Variants in TRPM3 observed in about 807,000 individuals in gnomAD.
TRPM3 encodes transient receptor potential cation channel subfamily M member 3.
In TRPM3, 77 loss-of-function variants were observed where a neutral mutation model predicts 181.2. The ratio of observed to expected loss-of-function variants is 0.42; its 90% confidence interval spans 0.35 to 0.51. The LOEUF (loss-of-function observed/expected upper bound fraction) is 0.51. Among genes scored for constraint, TRPM3 ranks in the 20% least tolerant of loss-of-function variants. The pLI is 0.01. For missense variants in TRPM3, 1,759 were observed against 2,196.7 expected, an observed-to-expected ratio of 0.80 and a Z score of 3.98; for synonymous variants, 745 against 796.4, an observed-to-expected ratio of 0.94 and a Z score of 1.09.
chr9:71,054,014 C>T (rs988130549), intron 1 of TRPM3, among the ~76,000 whole-genome samples: 14 of 152,074 alleles, frequency 9.2e-5, no homozygotes, highest in South Asian at 2.1e-4. Context: ...AAATTCAGCA[C>T]GACTTTGCAG....
intron 1 of TRPM3, among the ~76,000 whole-genome samples, chr9:70,892,392 T>C (rs1379442918): frequency 6.6e-6 from 1 of 152,120 alleles, no homozygotes; most frequent in Admixed American, 6.5e-5. Flanking sequence ...CTTCTTTGCC[T>C]TTAAATAAAT....
At chr9:71,405,109 C>T (rs1053011885) in intron 1 of TRPM3, among the ~76,000 whole-genome samples, 1 of 152,150 alleles carries the variant, frequency 6.6e-6, no homozygotes, top group Non-Finnish European at 1.5e-5. Flanking sequence ...ATTCCAACAC[C>T]TTGTATATTT....
chr9:71,240,984 G>A (rs2081633777), intron 1 of TRPM3, among the ~76,000 whole-genome samples: 1 of 152,098 alleles, frequency 6.6e-6, no homozygotes, highest in Admixed American at 6.5e-5. Context: ...CAACTCTTAC[G>A]AACATTATGT....
intron 3 of TRPM3, among the ~76,000 whole-genome samples, chr9:70,849,239 G>A (rs2095122402): frequency 1.3e-5 from 2 of 152,030 alleles, no homozygotes; most frequent in Admixed American, 1.3e-4. Flanking sequence ...TTGCCTCCTG[G>A]GTTCAAGCGA....
At chr9:70,644,024 A>C (rs2058455386) in intron 9 of TRPM3, among the ~76,000 whole-genome samples, 1 of 152,232 alleles carries the variant, frequency 6.6e-6, no homozygotes, top group South Asian at 2.1e-4. Context: ...GGAGAAGAGA[A>C]GTCTGTAATT....
At chr9:70,852,962 A>T (rs184244356) in intron 3 of TRPM3, among the ~76,000 whole-genome samples, 106 of 152,080 alleles carry the variant, frequency 7.0e-4, no homozygotes, top group South Asian at 1.0e-3. Flanking sequence ...ATATATATAT[A>T]TTTTTTTCTG....
intron 1 of TRPM3, among the ~76,000 whole-genome samples, chr9:71,357,996 G>A (rs1226395900): frequency 6.6e-6 from 1 of 152,122 alleles, no homozygotes; most frequent in Non-Finnish European, 1.5e-5. Flanking sequence ...AGGGCCTTGG[G>A]GAGTAGGAAA....
intron 1 of TRPM3, among the ~76,000 whole-genome samples, chr9:71,375,903 C>T (rs1442668162): frequency 3.9e-5 from 6 of 152,106 alleles, no homozygotes; most frequent in Admixed American, 3.9e-4. Context: ...ACATAATACA[C>T]TACAGTGTAG....
intron 1 of TRPM3, among the ~76,000 whole-genome samples, chr9:71,379,503 C>G (rs894092136): frequency 6.6e-6 from 1 of 151,908 alleles, no homozygotes; most frequent in Admixed American, 6.6e-5. Flanking sequence ...TTGGTGTTAC[C>G]GTCAGAGCAG....
At chr9:70,838,643 T>A (rs2094460846) in intron 5 of TRPM3, among the ~76,000 whole-genome samples, 1 of 152,110 alleles carries the variant, frequency 6.6e-6, no homozygotes, top group Non-Finnish European at 1.5e-5. Flanking sequence ...AGCCTTGAGC[T>A]AAATTTGATG....
intron 1 of TRPM3, among the ~76,000 whole-genome samples, chr9:70,884,902 G>A (rs1200822783): frequency 1.3e-5 from 2 of 152,118 alleles, no homozygotes; most frequent in South Asian, 4.1e-4. Flanking sequence ...TGAATCTGTA[G>A]GTGAAGGTGA....
chr9:71,271,112 T>G (rs2083755347), intron 1 of TRPM3, among the ~76,000 whole-genome samples: 1 of 152,230 alleles, frequency 6.6e-6, no homozygotes, highest in South Asian at 2.1e-4. Context: ...CTGCTAATTT[T>G]GGGAATAATT....
chr9:71,015,702 C>T (rs562946523), intron 1 of TRPM3, among the ~76,000 whole-genome samples: 2 of 152,190 alleles, frequency 1.3e-5, no homozygotes, highest in South Asian at 4.2e-4. Flanking sequence ...AATTGATAAT[C>T]CAAAACGTTC....
At chr9:70,783,503 G>T (rs150563276) in intron 7 of TRPM3, among the ~76,000 whole-genome samples, 2 of 152,238 alleles carry the variant, frequency 1.3e-5, no homozygotes, top group African/African-American at 4.8e-5. Context: ...GGGGGCTTTG[G>T]GCTGTTGAAA....
chr9:70,568,935 C>T (rs1042947066), intron 22 of TRPM3, among the ~76,000 whole-genome samples: 2 of 152,202 alleles, frequency 1.3e-5, no homozygotes, highest in African/African-American at 2.4e-5. Flanking sequence ...GTTTGGCTAA[C>T]ATGCTTGCTT....
intron 12 of TRPM3, among the ~76,000 whole-genome samples, chr9:70,632,325 C>T (rs2066013920): frequency 6.6e-6 from 1 of 152,174 alleles, no homozygotes. Context: ...CCCTTATTCA[C>T]TTCTTCCCCA....
At chr9:71,150,515 A>G (rs1412601831) in intron 1 of TRPM3, among the ~76,000 whole-genome samples, 1 of 152,178 alleles carries the variant, frequency 6.6e-6, no homozygotes, top group Non-Finnish European at 1.5e-5. Flanking sequence ...TTTCAATACT[A>G]TGTCAAATTT....
chr9:71,362,873 C>T (rs1027949840), intron 1 of TRPM3, among the ~76,000 whole-genome samples: 2 of 152,062 alleles, frequency 1.3e-5, no homozygotes, highest in African/African-American at 4.8e-5. Flanking sequence ...AATAATTCCA[C>T]CTTAGGAATT....
intron 1 of TRPM3, among the ~76,000 whole-genome samples, chr9:70,954,114 A>C (rs2097037599): frequency 6.6e-6 from 1 of 152,132 alleles, no homozygotes; most frequent in African/African-American, 2.4e-5. Context: ...GATCAGACAA[A>C]AGCAGAAGGA....
Sources: gnomAD v4.1 joint callset for allele counts (sites outside exome capture counted in the v4.1 genomes callset) on GRCh38, gnomAD v4.1.1 for gene constraint, MANE v1.5 for transcripts, NCBI Gene and HGNC (gene_info 2026-07-23, HGNC 2026-07-21) for gene names.